DAB1: variants seen among roughly 807,000 people sequenced by gnomAD.
The protein encoded by DAB1 is DAB adaptor protein 1.
DAB1 carries 15 observed loss-of-function variants against 64.6 expected under a neutral mutation model. That is an observed-to-expected ratio of 0.23 (90% CI 0.16 to 0.36). The LOEUF is 0.36. Among genes scored for constraint, DAB1 ranks in the 10% least tolerant of loss-of-function variants. DAB1 has a pLI of 1.00. For synonymous variants in DAB1, 235 were observed against 251.9 expected, an observed-to-expected ratio of 0.93 and a Z score of 0.64; for missense variants, 596 against 706.7, an observed-to-expected ratio of 0.84 and a Z score of 1.78.
At chr1:58,410,693 T>C (rs1238982620) in intron 3 of DAB1, among the ~76,000 whole-genome samples, 2 of 152,218 alleles carry the variant, frequency 1.3e-5, no homozygotes, top group African/African-American at 4.8e-5. Context: ...CCCTAATTAC[T>C]GTATGGCCTC....
intron 4 of DAB1, among the ~76,000 whole-genome samples, chr1:57,072,799 G>A (rs1301421996): frequency 6.6e-6 from 1 of 152,218 alleles, no homozygotes; most frequent in Non-Finnish European, 1.5e-5. Flanking sequence ...CGTGTGTGCT[G>A]TGGTGGAGGA....
chr1:57,827,939 T>C (rs935805552), intron 1 of DAB1, among the ~76,000 whole-genome samples: 3 of 152,164 alleles, frequency 2.0e-5, no homozygotes, highest in East Asian at 1.9e-4. Flanking sequence ...ATCATCCCTA[T>C]CTTTGTTTGT....
intron 7 of DAB1, among the ~76,000 whole-genome samples, chr1:57,613,174 G>A (rs1301020711): frequency 6.6e-6 from 1 of 152,214 alleles, no homozygotes; most frequent in Non-Finnish European, 1.5e-5. Flanking sequence ...GAATATAGCA[G>A]CTAGTATTAT....
chr1:57,019,530 T>C (rs1646546226), intron 11 of DAB1, among the ~76,000 whole-genome samples: 1 of 152,178 alleles, frequency 6.6e-6, no homozygotes, highest in African/African-American at 2.4e-5. Flanking sequence ...CAGGTCCCAC[T>C]CACTTTTCCT....
At chr1:57,079,673 C>G (rs1438393914) in intron 4 of DAB1, among the ~76,000 whole-genome samples, 4 of 152,220 alleles carry the variant, frequency 2.6e-5, no homozygotes, top group Non-Finnish European at 4.4e-5. Context: ...CTACAGGCCC[C>G]CTTGTTCCCC....
At chr1:57,875,005 C>T (rs944616362) in intron 1 of DAB1, 1 of 152,104 alleles carries the variant, frequency 6.6e-6, no homozygotes, top group East Asian at 1.9e-4. Flanking sequence ...TTTCTCAGAG[C>T]AAGTGCTTTG....
intron 6 of DAB1, among the ~76,000 whole-genome samples, chr1:57,678,614 G>C (rs1432100115): frequency 6.6e-6 from 1 of 152,124 alleles, no homozygotes; most frequent in Non-Finnish European, 1.5e-5. Context: ...CCTGAGGAAG[G>C]CTGGAGGGTA....
intron 3 of DAB1, among the ~76,000 whole-genome samples, chr1:58,447,355 A>G (rs1293858572): frequency 6.6e-6 from 1 of 152,060 alleles, no homozygotes. Flanking sequence ...ATCTGTCAAC[A>G]TGAAAAAAAG....
chr1:57,511,167 T>A (rs911099112), intron 7 of DAB1, among the ~76,000 whole-genome samples: 2 of 152,202 alleles, frequency 1.3e-5, no homozygotes, highest in African/African-American at 4.8e-5. Flanking sequence ...TTCTACACAG[T>A]GGAACCACCA....
At chr1:58,415,774 G>A (rs1644713921) in intron 3 of DAB1, among the ~76,000 whole-genome samples, 1 of 152,192 alleles carries the variant, frequency 6.6e-6, no homozygotes, top group South Asian at 2.1e-4. Flanking sequence ...CTCCATTGCA[G>A]GGGCCCTGCT....
chr1:57,148,803 A>T (rs187393566), intron 2 of DAB1, among the ~76,000 whole-genome samples: 1 of 152,208 alleles, frequency 6.6e-6, no homozygotes, highest in African/African-American at 2.4e-5. Context: ...ACAAACACCC[A>T]AAGTCCACAG....
chr1:58,264,685 A>G (rs189824548), intron 4 of DAB1, among the ~76,000 whole-genome samples: 6 of 152,336 alleles, frequency 3.9e-5, no homozygotes, highest in Admixed American at 3.3e-4. Flanking sequence ...CTGTTTTTTC[A>G]TGCCATTGAA....
intron 1 of DAB1, among the ~76,000 whole-genome samples, chr1:57,362,769 C>T (rs1679660322): frequency 1.3e-5 from 2 of 152,108 alleles, no homozygotes; most frequent in Admixed American, 6.5e-5. Flanking sequence ...GGCATTTTGT[C>T]ATAGCAGCCC....
At chr1:57,191,004 G>A (rs74563734) in intron 2 of DAB1, among the ~76,000 whole-genome samples, 2,577 of 152,240 alleles carry the variant, frequency 0.017, 89 homozygotes, top group African/African-American at 0.06. Context: ...CTCTTTACCT[G>A]AAAAACCCAG....
intron 9 of DAB1, 24 bp from the exon 10 acceptor site, chr1:57,026,067 T>C: frequency 6.3e-7 from 1 of 1,588,052 alleles, no homozygotes; most frequent in Non-Finnish European, 8.6e-7. Context: ...AAGGTAATCA[T>C]GTGACTACAA....
intron 7 of DAB1, among the ~76,000 whole-genome samples, chr1:57,488,401 C>CAAAAA (rs11455708): frequency 2.7e-5 from 2 of 74,126 alleles, no homozygotes; most frequent in East Asian, 4.9e-4. Context: ...GATTCCGTCT[C>CAAAAA]AAAAAAAAAA....
chr1:57,399,551 G>C (rs1683073809), intron 1 of DAB1, among the ~76,000 whole-genome samples: 1 of 152,154 alleles, frequency 6.6e-6, no homozygotes, highest in Non-Finnish European at 1.5e-5. Context: ...CCAGTAATCT[G>C]GAGAGTACAT....
At chr1:57,077,637 T>C (rs1197534252) in intron 4 of DAB1, among the ~76,000 whole-genome samples, 1 of 152,188 alleles carries the variant, frequency 6.6e-6, no homozygotes, top group African/African-American at 2.4e-5. Flanking sequence ...CATTTACCAG[T>C]GTTTAAATGA....
chr1:57,312,372 A>C (rs1219955656), intron 1 of DAB1, among the ~76,000 whole-genome samples: 1 of 152,048 alleles, frequency 6.6e-6, no homozygotes, highest in Admixed American at 6.6e-5. Context: ...TCTCTCCCTT[A>C]GTAGTCACTC....
Sources: allele counts gnomAD v4.1 joint callset (sites outside exome capture counted in the v4.1 genomes callset), GRCh38; gene constraint gnomAD v4.1.1; transcripts MANE v1.5; gene names NCBI Gene and HGNC (gene_info 2026-07-23, HGNC 2026-07-21).